Variants in NEXN observed in about 807,000 individuals in gnomAD.
NEXN encodes nexilin.
NEXN carries 65 observed loss-of-function variants against 92.6 expected under a neutral mutation model. That is an observed-to-expected ratio of 0.70 (90% CI 0.57 to 0.86). NEXN has a LOEUF of 0.86. NEXN is among the 40% of genes least tolerant of loss of function. The pLI is 0.00. For synonymous variants in NEXN, 254 were observed against 242.5 expected (o/e 1.05, Z -0.44); for missense variants, 778 against 771.1 (o/e 1.01, Z -0.11).
At chr1:77,911,371 TA>T (rs1648562419) in intron 1 of NEXN, among the ~76,000 whole-genome samples, 1 of 152,142 alleles carries the variant, frequency 6.6e-6, no homozygotes, top group African/African-American at 2.4e-5. Context: ...ACAGGTGGAT[TA>T]CCTGAGGTCA....
chr1:77,898,799 TCAAA>T (rs1161802180), intron 1 of NEXN, among the ~76,000 whole-genome samples: 4 of 151,938 alleles, frequency 2.6e-5, no homozygotes, highest in African/African-American at 7.3e-5. Context: ...TACAATGAAC[TCAAA>T]CAAATTTACA....
intron 1 of NEXN, among the ~76,000 whole-genome samples, chr1:77,905,951 G>C (rs1239792787): frequency 2.0e-5 from 3 of 152,104 alleles, no homozygotes; most frequent in Non-Finnish European, 4.4e-5. Flanking sequence ...GGGGTAAAAA[G>C]AGATGAGGCT....
chr1:77,900,252 T>A (rs1647590716), intron 1 of NEXN, among the ~76,000 whole-genome samples: 2 of 152,168 alleles, frequency 1.3e-5, no homozygotes, highest in African/African-American at 2.4e-5. Context: ...TTTTCCACTT[T>A]GTGAAATTCT....
intron 8 of NEXN, among the ~76,000 whole-genome samples, chr1:77,927,145 A>G (rs1270495086): frequency 3.9e-5 from 6 of 151,956 alleles, no homozygotes; most frequent in Non-Finnish European, 8.8e-5. Context: ...AACACTGTGA[A>G]ATCCCTGTAA....
rs146245480 is a variant in NEXN, at chr1:77,926,863, C to T, written c.835C>T (p.Arg279Cys). ...EARKRLEEEKRAFEEARRQMV... is the reference protein window; with the variant it reads ...EARKRLEEEKCAFEEARRQMV... ...AAGAAAACGTTTAGAAGAAGAGAAGCGTGCTTTTGAAGAAGCAAGGCGGCA... is the reference window on the plus strand; with the variant it reads ...AAGAAAACGTTTAGAAGAAGAGAAGTGTGCTTTTGAAGAAGCAAGGCGGCA... Residue 279 changes from arginine to cysteine, a missense_variant, in exon 8 of 13, where the codon CGT (arginine) becomes TGT (cysteine). Around this residue, in one of 3 missense-constraint regions of NEXN, gnomAD observed 532 missense variants for 476.7 expected, o/e 1.12. Coordinates refer to ENST00000334785, the MANE Select transcript of NEXN (RefSeq NM_144573.4). 2.2e-4 allele frequency: 362 copies of T among 1,613,862 alleles called. 1 individual carries two copies. The East Asian group carries it at 4.9e-3, about 22-fold the overall frequency.
Position 77,942,913 on chromosome 1 carries a change from G to C in NEXN, c.*84G>C. On this transcript the variant is annotated 3_prime_UTR_variant, in exon 13 of 13. Transcript: ENST00000334785. ...TCTCTTTTTTAGCTGATGACTACTA[G>C]CTCCCCTCCCCTCTCCCTGGAACTT... is the stretch of plus-strand genomic sequence containing the variant. 5 of 1,491,192 alleles carry C rather than the reference G, an allele frequency of 3.4e-6. No homozygotes were observed. Among genetic ancestry groups the C allele is most frequent in the Non-Finnish European group, 4.6e-6 (5 of 1,096,698 alleles). The allele number at this position is 1,491,192 out of a possible 1,614,324, so 92.4% of individuals were successfully genotyped here. A position where few individuals can be genotyped will look rare whatever the true frequency, so the allele number is the denominator to read the frequency against.
intron 1 of NEXN, among the ~76,000 whole-genome samples, chr1:77,900,650 C>T (rs1647629386): frequency 6.6e-6 from 1 of 152,178 alleles, no homozygotes; most frequent in Non-Finnish European, 1.5e-5. Context: ...GCGGTGGATA[C>T]ATATTCGTCT....
chr1:77,905,894 G>T (rs571313156), intron 1 of NEXN, among the ~76,000 whole-genome samples: 1 of 152,264 alleles, frequency 6.6e-6, no homozygotes, highest in East Asian at 1.9e-4. Context: ...CTCTGCAAAG[G>T]CTTGAGTTGT....
intron 11 of NEXN, among the ~76,000 whole-genome samples, chr1:77,936,789 C>T (rs1650803803): frequency 6.6e-6 from 1 of 152,146 alleles, no homozygotes; most frequent in Non-Finnish European, 1.5e-5. Context: ...AACCTATATT[C>T]TATTTTGATC....
chr1:77,899,976 A>G (rs1009063194), intron 1 of NEXN, among the ~76,000 whole-genome samples: 7 of 151,970 alleles, frequency 4.6e-5, no homozygotes, highest in African/African-American at 1.2e-4. Flanking sequence ...CTACATTGCT[A>G]TGAGTTTCTT....
Position 77,933,273 on chromosome 1 carries a change from T to G in NEXN, c.1054-9T>G, listed in dbSNP as rs755659119. On this transcript the variant is annotated splice_polypyrimidine_tract_variant and intron_variant, in intron 9 of 12. Transcript: ENST00000334785. ...CTGGCCAGAGTGATAAAATAATTAT[T>G]TTAAATAGGTAGTAGATGATGACTC... The G allele has an allele frequency of 6.6e-7, 1 of 1,514,774 alleles. No individual in the cohort carries two copies. Among genetic ancestry groups the G allele is most frequent in the Non-Finnish European group, 9.1e-7 (1 of 1,094,960 alleles). The allele number at this position is 1,514,774 out of a possible 1,614,324, so 93.8% of individuals were successfully genotyped here.
At chr1:77,927,606 G>C (rs61778873) in intron 8 of NEXN, among the ~76,000 whole-genome samples, 117,292 of 148,710 alleles carry the variant, frequency 0.79, 46,109 homozygotes, top group East Asian at 0.9. Context: ...GTGTGTCTGT[G>C]TGTGTGTGTG....
chr1:77,926,599 T>C lies in NEXN; in HGVS notation c.675T>C (p.Leu225=). 1 of 1,613,946 alleles carries C rather than the reference T, an allele frequency of 6.2e-7. No individual in the cohort carries two copies. The highest frequency in any genetic ancestry group is 8.5e-7 in the Non-Finnish European group (1 of 1,179,934). The part of the protein sequence containing the change: ...QRPSLKEAKC[L]SLVMDDEIES... Reference sequence around the variant, plus strand: ...CATCTCTCAAGGAAGCAAAGTGTCTTTCATTAGTTATGGTAAATTTTTGTT... The same window carrying C: ...CATCTCTCAAGGAAGCAAAGTGTCTCTCATTAGTTATGGTAAATTTTTGTT... The change falls in exon 7 of 13, where the codon CTT becomes CTC. Residue 225 remains leucine (L), a synonymous_variant. Transcript: ENST00000334785.
At chr1:77,892,692 T>C (rs551458407) in intron 1 of NEXN, among the ~76,000 whole-genome samples, 1 of 152,246 alleles carries the variant, frequency 6.6e-6, no homozygotes, top group South Asian at 2.1e-4. Flanking sequence ...AATGTGATCA[T>C]GGGAGTGGGA....
At position 77,941,709 on chromosome 1, in the gene NEXN, T is replaced by C. The variant is rs1036704373; in HGVS notation, c.1474-314T>C. 1.0e-5 allele frequency: 4 copies of C among 382,112 alleles called. No homozygotes were observed. The Admixed American group carries it at 1.2e-4, about 12-fold the overall frequency. The allele number at this position is 382,112 out of a possible 1,614,324, so 23.7% of individuals were successfully genotyped here. A position where few individuals can be genotyped will look rare whatever the true frequency, so the allele number is the denominator to read the frequency against. On this transcript the variant is annotated intron_variant, in intron 11 of 12. Coordinates refer to ENST00000334785, the MANE Select transcript of NEXN (RefSeq NM_144573.4). ...ACTTTTAACAATTATTTAGAATGTA[T>C]AGCATTCTGACCTTTTTCAGTTAAG...
intron 1 of NEXN, among the ~76,000 whole-genome samples, chr1:77,896,237 A>G (rs1647249076): frequency 6.6e-6 from 1 of 151,708 alleles, no homozygotes; most frequent in Non-Finnish European, 1.5e-5. Flanking sequence ...AACTGAGCTC[A>G]TTTTCTGACT....
chr1:77,943,012 A>G lies in NEXN; in HGVS notation c.*183A>G. On this transcript the variant is annotated 3_prime_UTR_variant, in exon 13 of 13. Transcript: ENST00000334785. ...GCCAAAAAAGGAAACCAGGAGTGCC[A>G]CTATGCTGACTTCTTATTCCTTTTC... 1 of 712,078 alleles carries G rather than the reference A, an allele frequency of 1.4e-6. No individual in the cohort carries two copies. The allele number at this position is 712,078 out of a possible 1,614,324, so 44.1% of individuals were successfully genotyped here. A position where few individuals can be genotyped will look rare whatever the true frequency, so the allele number is the denominator to read the frequency against.
chr1:77,942,444 C>A lies in NEXN; in HGVS notation c.1660-17C>A. 6.2e-7 allele frequency: 1 copy of A among 1,608,052 alleles called. No individual in the cohort carries two copies. The highest frequency in any genetic ancestry group is 8.5e-7 in the Non-Finnish European group (1 of 1,175,224). ...AATACTATAAATGCCAACCTGAATG[C>A]ATTTATTTTAATACAGAAAAGAGAA... On this transcript the variant is annotated splice_polypyrimidine_tract_variant and intron_variant, in intron 12 of 12. Transcript: ENST00000334785.
chr1:77,891,417 C>A (rs1472945527), intron 1 of NEXN, among the ~76,000 whole-genome samples: 1 of 152,104 alleles, frequency 6.6e-6, no homozygotes, highest in Non-Finnish European at 1.5e-5. Flanking sequence ...TGTCTGCCAT[C>A]CAGTAAGTGC....
Sources: gnomAD v4.1 joint callset for allele counts (sites outside exome capture counted in the v4.1 genomes callset) on GRCh38, gnomAD v4.1.1 for gene constraint, gnomAD v4.1.1 regional missense constraint, MANE v1.5 for transcripts, NCBI Gene and HGNC (gene_info 2026-07-23, HGNC 2026-07-21) for gene names.